The following STK38 variants were observed in gnomAD, a reference collection of about 807,000 sequenced individuals.
The protein encoded by STK38 is serine/threonine kinase 38.
A neutral mutation model predicts 59.0 loss-of-function variants in STK38; 26 were observed. That is an observed-to-expected ratio of 0.44 (90% CI 0.32 to 0.61). The LOEUF is 0.61. STK38 is among the 20% of genes least tolerant of loss of function. The pLI is 0.04. For missense variants in STK38, 433 were observed against 566.0 expected (o/e 0.76, Z 2.38); for synonymous variants, 175 against 176.6 (o/e 0.99, Z 0.07).
chr6:36,497,072 C>A (rs1462298816), intron 12 of STK38, among the ~76,000 whole-genome samples: 1 of 152,342 alleles, frequency 6.6e-6, no homozygotes, highest in East Asian at 1.9e-4. Context: ...GTTAGTGCAA[C>A]TCCCCCCATG....
In STK38 at chr6:36,515,354, A is replaced by C; in HGVS notation, c.653T>G (p.Leu218Arg). ...CCCCAATACCTTGCTGTCCAAAAGA[A>C]GGTTGTCTGGTTTGATGTCTCTGTG... ...FIHRDIKPDN[L>R]LLDSKGHVKL... The change falls in exon 7 of 14, where the codon CTT becomes CGT. Residue 218 changes from leucine to arginine, a missense_variant. Transcript: ENST00000229812. 3 of 1,614,098 alleles carry C rather than the reference A, an allele frequency of 1.9e-6. No homozygotes were observed. Among genetic ancestry groups the C allele is most frequent in the Non-Finnish European group, 2.5e-6 (3 of 1,179,996 alleles).
chr6:36,506,793 T>C, intron 8 of STK38, 149 bp from the exon 9 acceptor site: 3 of 679,352 alleles, frequency 4.4e-6, no homozygotes, highest in South Asian at 1.9e-5. Flanking sequence ...CATATCCTAG[T>C]ACGTTTACAG....
At chr6:36,499,772 G>A in intron 10 of STK38, 101 bp downstream of exon 10, 1 of 944,058 alleles carries the variant, frequency 1.1e-6, no homozygotes, top group Middle Eastern at 2.1e-4. Context: ...AGACAAGTAG[G>A]GAAATCACTT....
chr6:36,525,547 C>T lies in STK38; in HGVS notation c.183+44G>A, dbSNP rs545337548. ...AACAACTCACTGGACAAGATACAACCTGCCACGCTGGGTTTTAAGGAAAAC... is the reference window on the plus strand; with the variant it reads ...AACAACTCACTGGACAAGATACAACTTGCCACGCTGGGTTTTAAGGAAAAC... On this transcript the variant is annotated intron_variant, in intron 3 of 13. Transcript: ENST00000229812. 6.9e-6 allele frequency: 11 copies of T among 1,583,100 alleles called. No homozygotes were observed. The East Asian group carries it at 1.8e-4, about 26-fold the overall frequency.
chr6:36,542,653 T>C (rs1777966553), intron 1 of STK38, among the ~76,000 whole-genome samples: 1 of 148,078 alleles, frequency 6.8e-6, no homozygotes, highest in Admixed American at 6.7e-5. Flanking sequence ...CAAAAATAAA[T>C]AATAAAATCG....
In STK38 at chr6:36,495,534, T is replaced by C. The variant is rs564007970; in HGVS notation, c.*250A>G. 3.7e-5 allele frequency: 14 copies of C among 373,558 alleles called. No individual in the cohort carries two copies. The highest frequency in any genetic ancestry group is 2.8e-4 in the African/African-American group (14 of 49,192). 23.1% of individuals were successfully genotyped at this position (373,558 alleles called of 1,614,324 possible). A position where few individuals can be genotyped will look rare whatever the true frequency, so the allele number is the denominator to read the frequency against. On this transcript the variant is annotated 3_prime_UTR_variant, in exon 14 of 14. Transcript: ENST00000229812. The stretch of plus-strand genomic sequence containing the variant: ...GTTATTTTTAAAACACCTATCAAAT[T>C]GGCTCATGATGCTTCTCTTCCAAAG...
rs574739039 is a variant in STK38 at position 36,495,110 on chromosome 6, C to T, written c.*674G>A. ...CAAGCTGGTAACCCCCATCAACACT[C>T]AGAAAAGCAGCATGGGTATTTTAGA... On this transcript the variant is annotated 3_prime_UTR_variant, in exon 14 of 14. Coordinates refer to ENST00000229812, the MANE Select transcript of STK38 (RefSeq NM_007271.4). 1.3e-5 allele frequency: 2 copies of T among 152,736 alleles called. No individual in the cohort carries two copies. The highest frequency in any genetic ancestry group is 2.9e-5 in the Non-Finnish European group (2 of 68,050). The allele number at this position is 152,736 out of a possible 1,614,324, so 9.5% of individuals were successfully genotyped here.
At chr6:36,511,994 A>G (rs1381730599) in intron 7 of STK38, among the ~76,000 whole-genome samples, 1 of 152,102 alleles carries the variant, frequency 6.6e-6, no homozygotes, top group Non-Finnish European at 1.5e-5. Context: ...GGGAGGCAGA[A>G]GTCACAGTGA....
intron 3 of STK38, among the ~76,000 whole-genome samples, chr6:36,525,062 C>T (rs75112107): frequency 0.058 from 8,857 of 151,966 alleles, 595 homozygotes; most frequent in Admixed American, 0.17. Context: ...CATGACACAC[C>T]GGGGCCTGTC....
chr6:36,547,278 C>G lies in STK38; in HGVS notation c.-94G>C, dbSNP rs1443440953. Reference sequence around the variant, plus strand: ...GTCTCGACTTGAAGGCTGGCGAAGCCCCGGCGGCGGCAGCCAACGAGCCAA... The same window carrying G: ...GTCTCGACTTGAAGGCTGGCGAAGCGCCGGCGGCGGCAGCCAACGAGCCAA... On this transcript the variant is annotated 5_prime_UTR_variant, in exon 1 of 14. Coordinates refer to ENST00000229812, the MANE Select transcript of STK38 (RefSeq NM_007271.4). 1.3e-5 allele frequency: 2 copies of G among 152,754 alleles called. No homozygotes were observed. Among genetic ancestry groups the G allele is most frequent in the African/African-American group, 4.8e-5 (2 of 41,464 alleles). 9.5% of individuals were successfully genotyped at this position (152,754 alleles called of 1,614,324 possible).
intron 4 of STK38, among the ~76,000 whole-genome samples, chr6:36,523,269 T>G (rs1267574026): frequency 7.1e-6 from 1 of 140,462 alleles, no homozygotes. Flanking sequence ...TTTTTTGTTT[T>G]TTTTTTTTTT....
intron 9 of STK38, among the ~76,000 whole-genome samples, chr6:36,503,530 T>G (rs1256507517): frequency 6.6e-6 from 1 of 152,068 alleles, no homozygotes; most frequent in Non-Finnish European, 1.5e-5. Flanking sequence ...CTTTAAAAAC[T>G]GACATGTGGA....
intron 6 of STK38, 101 bp from the exon 7 acceptor site, chr6:36,515,593 C>T (rs893292310): frequency 1.5e-5 from 24 of 1,567,782 alleles, no homozygotes; most frequent in East Asian, 2.3e-5. Context: ...ATATGTCTTC[C>T]CTATCTGCCA....
At chr6:36,508,758 G>A (rs1461614177) in intron 7 of STK38, among the ~76,000 whole-genome samples, 1 of 152,246 alleles carries the variant, frequency 6.6e-6, no homozygotes, top group Non-Finnish European at 1.5e-5. Flanking sequence ...GTGTGAGTGA[G>A]TGCGGGGTCC....
rs1380370275 is a variant in STK38, at chr6:36,494,836, G to GT, written c.*947_*948insA. On this transcript the variant is annotated 3_prime_UTR_variant, in exon 14 of 14. Coordinates refer to ENST00000229812, the MANE Select transcript of STK38 (RefSeq NM_007271.4). The stretch of plus-strand genomic sequence containing the variant: ...CAAAGGGGTTCTGGAGACCTTGCAG[G>GT]AACAGGAACAGCACCTTAGCCAAGA... The GT allele has an allele frequency of 6.6e-6, 1 of 152,306 alleles. No individual in the cohort carries two copies. Among genetic ancestry groups the GT allele is most frequent in the Admixed American group, 6.5e-5 (1 of 15,282 alleles). 9.4% of individuals were successfully genotyped at this position (152,306 alleles called of 1,614,324 possible). A position where few individuals can be genotyped will look rare whatever the true frequency, so the allele number is the denominator to read the frequency against.
intron 7 of STK38, among the ~76,000 whole-genome samples, chr6:36,510,110 A>T (rs1407113523): frequency 6.6e-6 from 1 of 152,030 alleles, no homozygotes; most frequent in East Asian, 1.9e-4. Context: ...TTCGCCAGGG[A>T]CCCACCCCTT....
chr6:36,505,319 C>T (rs1472293671), intron 9 of STK38, among the ~76,000 whole-genome samples: 3 of 152,214 alleles, frequency 2.0e-5, no homozygotes, highest in Non-Finnish European at 4.4e-5. Flanking sequence ...CAACCACATA[C>T]AGAATTCAGA....
At chr6:36,519,020 C>CCATTTCAA (rs1205064303) in intron 5 of STK38, among the ~76,000 whole-genome samples, 1 of 152,186 alleles carries the variant, frequency 6.6e-6, no homozygotes, top group Non-Finnish European at 1.5e-5. Context: ...CATTACTCTT[C>CCATTTCAA]CATTTCAACA....
At chr6:36,535,869 C>T (rs1383760974) in intron 2 of STK38, among the ~76,000 whole-genome samples, 2 of 138,334 alleles carry the variant, frequency 1.4e-5, no homozygotes, top group African/African-American at 2.9e-5. Context: ...AGCAAGACTC[C>T]GTCTCAAAAA....
Sources: allele counts gnomAD v4.1 joint callset (sites outside exome capture counted in the v4.1 genomes callset), GRCh38; gene constraint gnomAD v4.1.1; transcripts MANE v1.5; gene names NCBI Gene and HGNC (gene_info 2026-07-23, HGNC 2026-07-21).